Variants in DENND1A observed in about 807,000 individuals in gnomAD.
The protein encoded by DENND1A is DENN domain containing 1A.
DENND1A carries 51 observed loss-of-function variants against 113.7 expected under a neutral mutation model. That is an observed-to-expected ratio of 0.45 (90% CI 0.36 to 0.57). DENND1A has a LOEUF of 0.57. DENND1A is among the 20% of genes least tolerant of loss of function. The pLI, the probability that DENND1A is intolerant of heterozygous loss-of-function variation, is 0.00. For synonymous variants in DENND1A, 565 were observed against 570.8 expected, an observed-to-expected ratio of 0.99 and a Z score of 0.14; for missense variants, 1,258 against 1,395.9, an observed-to-expected ratio of 0.90 and a Z score of 1.57.
At chr9:123,385,857 A>T (rs553997834) in intron 22 of DENND1A, among the ~76,000 whole-genome samples, 2 of 152,198 alleles carry the variant, frequency 1.3e-5, no homozygotes, top group Non-Finnish European at 2.9e-5. Flanking sequence ...GAGACCCTTT[A>T]ATAAAGATGA....
chr9:123,411,838 A>T lies in DENND1A; in HGVS notation c.1489-9T>A. 1.0e-6 allele frequency: 1 copy of T among 985,854 alleles called. No individual in the cohort carries two copies. Among genetic ancestry groups the T allele is most frequent in the African/African-American group, 1.7e-5 (1 of 57,314 alleles). 61.1% of individuals were successfully genotyped at this position (985,854 alleles called of 1,614,324 possible). ...GGACGCAGTCTCTGCAGCTGCATTAAAGTGGAAACTTACAACATCAGGACA... is the reference window on the plus strand; with the variant it reads ...GGACGCAGTCTCTGCAGCTGCATTATAGTGGAAACTTACAACATCAGGACA... On this transcript the variant is annotated splice_polypyrimidine_tract_variant and intron_variant, in intron 19 of 23. Transcript: ENST00000394215.
chr9:123,417,191 C>A (rs1045951234), intron 19 of DENND1A, among the ~76,000 whole-genome samples: 1 of 152,174 alleles, frequency 6.6e-6, no homozygotes, highest in Non-Finnish European at 1.5e-5. Context: ...GGTTTGATAT[C>A]CTGAAGATGA....
At chr9:123,724,271 C>T (rs1406178992) in intron 5 of DENND1A, among the ~76,000 whole-genome samples, 14 of 152,150 alleles carry the variant, frequency 9.2e-5, no homozygotes. Context: ...GAGGGAGCAT[C>T]CAGGAGATCA....
chr9:123,406,627 C>A (rs1372879978), intron 20 of DENND1A, among the ~76,000 whole-genome samples: 2 of 152,214 alleles, frequency 1.3e-5, no homozygotes, highest in Non-Finnish European at 2.9e-5. Flanking sequence ...TAGAGCTGGG[C>A]CTGCCACACA....
At chr9:123,539,860 G>A (rs930365538) in intron 13 of DENND1A, among the ~76,000 whole-genome samples, 2 of 146,152 alleles carry the variant, frequency 1.4e-5, no homozygotes, top group Non-Finnish European at 3.0e-5. Flanking sequence ...TCCAGCCTGG[G>A]TGAAAAAGTG....
chr9:123,922,452 T>C (rs1856433326), intron 1 of DENND1A, among the ~76,000 whole-genome samples: 2 of 152,208 alleles, frequency 1.3e-5, no homozygotes, highest in African/African-American at 2.4e-5. Flanking sequence ...ACTTTGAAGG[T>C]TGATATAAAA....
chr9:123,430,952 G>A (rs888400475), intron 19 of DENND1A, among the ~76,000 whole-genome samples: 2 of 152,096 alleles, frequency 1.3e-5, no homozygotes, highest in Non-Finnish European at 2.9e-5. Flanking sequence ...GCGGTGAGCC[G>A]AGATCATGCC....
In DENND1A at chr9:123,863,611, A is replaced by C; in HGVS notation, c.88+15340T>G. On this transcript the variant is annotated intron_variant, in intron 2 of 23. Coordinates refer to ENST00000394215, the MANE Select transcript of DENND1A (RefSeq NM_001352964.2). ...TTCTAACAAGTTAAAAAAAAAAAAA[A>C]CAACTTTGGTTGTACTAAATTGTAT... Among the ~76,000 whole-genome samples, 2 of 152,240 alleles carry C rather than the reference A, an allele frequency of 1.3e-5. 1 individual carries two copies. The highest frequency in any genetic ancestry group is 2.9e-5 in the Non-Finnish European group (2 of 68,004).
chr9:123,449,888 C>T (rs890269414), intron 18 of DENND1A, among the ~76,000 whole-genome samples: 1 of 152,038 alleles, frequency 6.6e-6, no homozygotes, highest in Non-Finnish European at 1.5e-5. Context: ...AAATTGGGTT[C>T]AGTGTACGCT....
chr9:123,492,182 T>A (rs2051434100), intron 13 of DENND1A: 1 of 152,442 alleles, frequency 6.6e-6, no homozygotes, highest in Non-Finnish European at 1.5e-5. Flanking sequence ...ACTGAGGTGC[T>A]TTCAGCCTCA....
intron 5 of DENND1A, among the ~76,000 whole-genome samples, chr9:123,713,185 T>C (rs1196553126): frequency 6.6e-6 from 1 of 152,178 alleles, no homozygotes; most frequent in Admixed American, 6.5e-5. Flanking sequence ...AGGAAATCTC[T>C]TGGACATGAC....
chr9:123,476,375 C>G (rs1215970121), intron 13 of DENND1A, among the ~76,000 whole-genome samples: 3 of 152,084 alleles, frequency 2.0e-5, no homozygotes, highest in Non-Finnish European at 4.4e-5. Flanking sequence ...AAGTGTCTAC[C>G]CAAGAGCCTG....
intron 18 of DENND1A, among the ~76,000 whole-genome samples, chr9:123,448,145 T>C (rs1258220546): frequency 6.6e-6 from 1 of 152,176 alleles, no homozygotes; most frequent in East Asian, 1.9e-4. Context: ...CTCCTGAAGC[T>C]ATTCTTGAAA....
chr9:123,512,251 T>C (rs563281049), intron 13 of DENND1A, among the ~76,000 whole-genome samples: 3 of 152,302 alleles, frequency 2.0e-5, no homozygotes, highest in Non-Finnish European at 4.4e-5. Context: ...ATAGGAGATA[T>C]GAAGAGGCCG....
chr9:123,775,651 T>C (rs1327920755), intron 3 of DENND1A, among the ~76,000 whole-genome samples: 1 of 152,208 alleles, frequency 6.6e-6, no homozygotes, highest in Non-Finnish European at 1.5e-5. Context: ...CTCACATTAG[T>C]CTAGAGAAAA....
chr9:123,923,137 C>T (rs969433882), intron 1 of DENND1A, among the ~76,000 whole-genome samples: 2 of 152,232 alleles, frequency 1.3e-5, no homozygotes, highest in Non-Finnish European at 2.9e-5. Context: ...GGAACTTACA[C>T]AGATTTAATA....
intron 20 of DENND1A, chr9:123,411,267 T>C (rs1217536656): frequency 6.6e-6 from 1 of 152,174 alleles, no homozygotes; most frequent in Non-Finnish European, 1.5e-5. Flanking sequence ...TACTTGGCAC[T>C]TAACATGGGA....
chr9:123,546,661 A>C (rs2056723818), intron 13 of DENND1A, among the ~76,000 whole-genome samples: 1 of 152,214 alleles, frequency 6.6e-6, no homozygotes, highest in Non-Finnish European at 1.5e-5. Flanking sequence ...TCATTTGTTC[A>C]TCCAGTCAGT....
At chr9:123,574,735 C>T (rs2058543190) in intron 12 of DENND1A, among the ~76,000 whole-genome samples, 1 of 152,268 alleles carries the variant, frequency 6.6e-6, no homozygotes, top group Non-Finnish European at 1.5e-5. Flanking sequence ...GAGAGAGAAA[C>T]TAAAAGCTAT....
Sources: allele counts gnomAD v4.1 joint callset (sites outside exome capture counted in the v4.1 genomes callset), GRCh38; gene constraint gnomAD v4.1.1; transcripts MANE v1.5; gene names NCBI Gene and HGNC (gene_info 2026-07-23, HGNC 2026-07-21).